The following RP1 variants were observed in gnomAD, a reference collection of about 807,000 sequenced individuals.
RP1 encodes RP1 axonemal microtubule associated.
A neutral mutation model predicts 14.8 loss-of-function variants in RP1; 16 were observed. That is an observed-to-expected ratio of 1.08 (90% CI 0.73 to 1.65). RP1 has a LOEUF of 1.65. RP1 is among the 40% of genes most tolerant of loss of function. The probability of loss-of-function intolerance (pLI) is 0.00; values close to 1 mark genes in which losing one functional copy is unlikely to be tolerated. For missense variants in RP1, 2,631 were observed against 2,535.0 expected (o/e 1.04, Z -0.81); for synonymous variants, 876 against 883.6 (o/e 0.99, Z 0.15).
At chr8:54,807,675 T>TATCATC (rs10678922) in intron 24 of RP1, among the ~76,000 whole-genome samples, 4 of 113,646 alleles carry the variant, frequency 3.5e-5, no homozygotes, top group African/African-American at 3.0e-5. Flanking sequence ...TCTATCTATC[T>TATCATC]ATTTATCTAT....
intron 24 of RP1, among the ~76,000 whole-genome samples, chr8:54,816,336 A>C (rs898387942): frequency 6.6e-6 from 1 of 152,242 alleles, no homozygotes; most frequent in Non-Finnish European, 1.5e-5. Flanking sequence ...TACTGCAGAC[A>C]TGGAAAATGC....
chr8:54,788,557 C>G (rs1015160773), intron 24 of RP1, among the ~76,000 whole-genome samples: 1 of 152,110 alleles, frequency 6.6e-6, no homozygotes, highest in African/African-American at 2.4e-5. Context: ...AGTGGCAGCA[C>G]TAAGCAGTTC....
chr8:54,838,244 G>T (rs745498359), intron 25 of RP1, among the ~76,000 whole-genome samples: 43 of 152,306 alleles, frequency 2.8e-4, no homozygotes, highest in Admixed American at 1.3e-3. Flanking sequence ...GAACTTTGTA[G>T]CACCTGAATT....
intron 24 of RP1, chr8:54,837,411 G>C: frequency 1.1e-6 from 1 of 905,438 alleles, no homozygotes; most frequent in Non-Finnish European, 1.5e-6. Flanking sequence ...AATTGGAGAT[G>C]TAGGGAGTTT....
At chr8:54,847,821 TGG>T (rs1434536171) in intron 25 of RP1, among the ~76,000 whole-genome samples, 1 of 152,180 alleles carries the variant, frequency 6.6e-6, no homozygotes, top group Non-Finnish European at 1.5e-5. Flanking sequence ...GTCCACTTTT[TGG>T]GGACAGCTAA....
intron 22 of RP1, among the ~76,000 whole-genome samples, chr8:54,763,537 G>A (rs149677340): frequency 0.029 from 4,476 of 152,142 alleles, 128 homozygotes; most frequent in African/African-American, 0.066. Flanking sequence ...AAAATTAGCC[G>A]GGCATGGTGG....
At chr8:54,623,892 G>A (rs929040615) in intron 3 of RP1, among the ~76,000 whole-genome samples, 1 of 152,176 alleles carries the variant, frequency 6.6e-6, no homozygotes, top group African/African-American at 2.4e-5. Context: ...GAATAGGTAA[G>A]CGGTATTTGG....
At chr8:54,708,353 G>T (rs72650344) in intron 15 of RP1, among the ~76,000 whole-genome samples, 1,922 of 144,192 alleles carry the variant, frequency 0.013, 24 homozygotes, top group South Asian at 0.023. Context: ...GTGATTTCTG[G>T]TTTTTTTTTT....
chr8:54,737,779 A>C (rs988745826), intron 18 of RP1, among the ~76,000 whole-genome samples: 2 of 152,180 alleles, frequency 1.3e-5, no homozygotes, highest in Admixed American at 1.3e-4. Flanking sequence ...ACTGGGTATG[A>C]AAAAGGAGTT....
chr8:54,799,554 T>C (rs571767146), intron 24 of RP1, among the ~76,000 whole-genome samples: 6 of 152,194 alleles, frequency 3.9e-5, no homozygotes, highest in African/African-American at 1.2e-4. Flanking sequence ...TCCTTTCCTT[T>C]TTCTCCCCTT....
At chr8:54,764,260 G>A (rs1205066520) in intron 22 of RP1, among the ~76,000 whole-genome samples, 2 of 152,262 alleles carry the variant, frequency 1.3e-5, no homozygotes, top group African/African-American at 4.8e-5. Flanking sequence ...TGGCCACACA[G>A]CAGGCCTACA....
At chr8:54,578,877 G>A (rs1176994929) in intron 1 of RP1, among the ~76,000 whole-genome samples, 1 of 152,116 alleles carries the variant, frequency 6.6e-6, no homozygotes, top group Non-Finnish European at 1.5e-5. Flanking sequence ...AACAAAAGTC[G>A]TACATATTGT....
chr8:54,771,308 G>A (rs547481362), downstream of RP1, among the ~76,000 whole-genome samples: 94 of 152,084 alleles, frequency 6.2e-4, no homozygotes, highest in African/African-American at 2.2e-3. Flanking sequence ...GACATTCTAA[G>A]TAGAAAAATT....
At chr8:54,586,201 G>T (rs1305519399) in intron 1 of RP1, among the ~76,000 whole-genome samples, 1 of 152,202 alleles carries the variant, frequency 6.6e-6, no homozygotes, top group African/African-American at 2.4e-5. Flanking sequence ...CTGTTTGTTA[G>T]TTTTCCTTCT....
rs1347309576 is a variant in RP1 at position 54,627,690 on chromosome 8, C to T, written c.3808C>T (p.Pro1270Ser). The T allele has an allele frequency of 6.2e-7, 1 of 1,614,166 alleles. No individual in the cohort carries two copies. The highest frequency in any genetic ancestry group is 8.5e-7 in the Non-Finnish European group (1 of 1,179,982). ...EMCTVNKAYSPKETCNPSDTF... is the reference protein window; with the variant it reads ...EMCTVNKAYSSKETCNPSDTF... ...GTGCACTGTAAATAAGGCTTATTCTCCAAAAGAGACATGTAACCCCAGTGA... is the reference window on the plus strand; with the variant it reads ...GTGCACTGTAAATAAGGCTTATTCTTCAAAAGAGACATGTAACCCCAGTGA... Residue 1270 changes from proline (P) to serine (S), a missense_variant, in exon 4 of 4, where the codon CCA (proline) becomes TCA (serine). Coordinates refer to ENST00000220676, the MANE Select transcript of RP1 (RefSeq NM_006269.2).
intron 24 of RP1, among the ~76,000 whole-genome samples, chr8:54,834,667 C>CT: frequency 7.2e-6 from 1 of 139,184 alleles, no homozygotes; most frequent in East Asian, 2.1e-4. Flanking sequence ...ATTGTCTATG[C>CT]TTTGGGAGTT....
chr8:54,842,591 T>A (rs145448609), intron 25 of RP1, among the ~76,000 whole-genome samples: 146 of 152,276 alleles, frequency 9.6e-4, no homozygotes, highest in African/African-American at 3.4e-3. Flanking sequence ...GCTGTTATCA[T>A]GGGAACACTG....
At chr8:54,786,018 A>G (rs1382663347) in intron 24 of RP1, among the ~76,000 whole-genome samples, 1 of 152,112 alleles carries the variant, frequency 6.6e-6, no homozygotes, top group Non-Finnish European at 1.5e-5. Context: ...TTTATTCAAC[A>G]ATGAACAGCC....
chr8:54,683,500 C>T (rs755802943), intron 12 of RP1, among the ~76,000 whole-genome samples: 1 of 152,044 alleles, frequency 6.6e-6, no homozygotes, highest in African/African-American at 2.4e-5. Context: ...TTGCAGTTCT[C>T]CTTGAAGAGA....
Sources: gnomAD v4.1 joint callset for allele counts (sites outside exome capture counted in the v4.1 genomes callset) on GRCh38, gnomAD v4.1.1 for gene constraint, MANE v1.5 for transcripts, NCBI Gene and HGNC (gene_info 2026-07-23, HGNC 2026-07-21) for gene names.